GPT2: variants seen among roughly 807,000 people sequenced by gnomAD.
The protein encoded by GPT2 is glutamic--pyruvic transaminase 2, also known as alanine aminotransferase 2.
Under a neutral mutation model 56.9 loss-of-function variants are expected in GPT2, and 30 were observed. That is an observed-to-expected ratio of 0.53 (90% CI 0.39 to 0.72). The LOEUF (loss-of-function observed/expected upper bound fraction) is 0.72, where lower values mean the gene tolerates loss of function less well. Among genes scored for constraint, GPT2 ranks in the 30% least tolerant of loss-of-function variants. GPT2 has a pLI of 0.00. For synonymous variants in GPT2, 271 were observed against 283.1 expected (o/e 0.96, Z 0.43); for missense variants, 542 against 703.4 (o/e 0.77, Z 2.60).
intron 2 of GPT2, among the ~76,000 whole-genome samples, chr16:46,887,310 G>T (rs1358853110): frequency 6.6e-6 from 1 of 152,106 alleles, no homozygotes; most frequent in East Asian, 1.9e-4. Flanking sequence ...TCTACTAAAA[G>T]CACAAAAATT....
chr16:46,888,637 G>A (rs540448742), intron 2 of GPT2, among the ~76,000 whole-genome samples: 37 of 151,636 alleles, frequency 2.4e-4, no homozygotes, highest in African/African-American at 8.2e-4. Flanking sequence ...GTGAGCCACC[G>A]CACCCGGCCA....
intron 2 of GPT2, 136 bp from the exon 3 acceptor site, chr16:46,897,512 C>T: frequency 1.4e-6 from 1 of 716,634 alleles, no homozygotes; most frequent in South Asian, 1.8e-5. Flanking sequence ...ATGTCAAAGG[C>T]CTGGCACCAA....
rs1404700809 is a variant in GPT2 at position 46,884,828 on chromosome 16, G to T, written c.113G>T (p.Arg38Leu). The T allele has an allele frequency of 1.3e-5, 20 of 1,538,770 alleles. No homozygotes were observed. Among genetic ancestry groups the T allele is most frequent in the Non-Finnish European group, 1.8e-5 (20 of 1,142,768 alleles). The change falls in exon 2 of 12, where the codon CGG (arginine) becomes CTG (leucine). Residue 38 changes from arginine to leucine, a missense_variant. Arg to Leu is a moderately radical substitution (Grantham distance 102). Coordinates refer to ENST00000340124, the MANE Select transcript of GPT2 (RefSeq NM_133443.4). ...AAEASAVLKVRPERSRRERIL... is the reference protein window; with the variant it reads ...AAEASAVLKVLPERSRRERIL... Reference sequence around the variant, plus strand: ...GAGGCCTCGGCGGTGCTCAAGGTGCGGCCCGAGCGCAGCCGGCGCGAGCGC... The same window carrying T: ...GAGGCCTCGGCGGTGCTCAAGGTGCTGCCCGAGCGCAGCCGGCGCGAGCGC...
intron 9 of GPT2, among the ~76,000 whole-genome samples, chr16:46,923,415 G>A (rs971902046): frequency 6.6e-6 from 1 of 152,186 alleles, no homozygotes; most frequent in Admixed American, 6.5e-5. Context: ...CTGAGATTGC[G>A]CCATGGCACT....
intron 2 of GPT2, 121 bp downstream of exon 2, chr16:46,885,079 G>A (rs1451894249): frequency 6.7e-6 from 9 of 1,350,930 alleles, no homozygotes; most frequent in African/African-American, 1.5e-5. Flanking sequence ...AGTCAGCCAA[G>A]CCTGGCTAAA....
At chr16:46,900,561 G>T (rs1347220101) in intron 3 of GPT2, 121 bp from the exon 4 acceptor site, 3 of 710,096 alleles carry the variant, frequency 4.2e-6, no homozygotes, top group Non-Finnish European at 7.3e-6. Flanking sequence ...CTGAGTCCTC[G>T]CAGAGAGGCT....
intron 8 of GPT2, among the ~76,000 whole-genome samples, chr16:46,920,585 C>T (rs770441114): frequency 1.6e-4 from 25 of 152,274 alleles, no homozygotes; most frequent in Non-Finnish European, 2.8e-4. Flanking sequence ...TGCCAGGTGT[C>T]GGCATGGGGA....
chr16:46,922,510 G>T, intron 9 of GPT2, 94 bp downstream of exon 9: 1 of 1,232,144 alleles, frequency 8.1e-7, no homozygotes, highest in Non-Finnish European at 1.1e-6. Flanking sequence ...TGGCCAGACA[G>T]CAGCCTCCTG....
Position 46,914,611 on chromosome 16 carries a change from T to A in GPT2, c.821-2017T>A, listed in dbSNP as rs539570697. ...GTTGAGTCCTGCAGCGTGCTCATCT[T>A]TAGTGATGCATGGTAGCAGCTGACA... On this transcript the variant is annotated intron_variant, in intron 6 of 11. Transcript: ENST00000340124. Among the ~76,000 whole-genome samples the A allele has an allele frequency of 2.4e-4, 37 of 152,318 alleles. 1 individual carries two copies. In the South Asian group the frequency reaches 5.8e-3, roughly 24 times the overall value.
chr16:46,918,857 A>T, intron 8 of GPT2, 100 bp downstream of exon 8: 1 of 1,416,728 alleles, frequency 7.1e-7, no homozygotes, highest in Non-Finnish European at 9.7e-7. Context: ...TTGGATGGAG[A>T]GAAGGCTGCC....
Position 46,930,126 on chromosome 16 carries a change from A to C in GPT2, c.*1129A>C, listed in dbSNP as rs545989612. On this transcript the variant is annotated 3_prime_UTR_variant, in exon 12 of 12. Transcript: ENST00000340124. Reference sequence around the variant, plus strand: ...CTTTCATGCAGAGTGTTTTGCCTTCATGTTAGCTTCCGGCTCCCCTCCCAG... The same window carrying C: ...CTTTCATGCAGAGTGTTTTGCCTTCCTGTTAGCTTCCGGCTCCCCTCCCAG... 15 of 153,118 alleles carry C rather than the reference A, an allele frequency of 9.8e-5. No individual in the cohort carries two copies. Among genetic ancestry groups the C allele is most frequent in the African/African-American group, 3.4e-4 (14 of 41,560 alleles). 9.5% of individuals were successfully genotyped at this position (153,118 alleles called of 1,614,324 possible).
intron 2 of GPT2, among the ~76,000 whole-genome samples, chr16:46,894,108 A>G (rs560833865): frequency 2.6e-5 from 4 of 152,182 alleles, no homozygotes; most frequent in Admixed American, 6.5e-5. Flanking sequence ...CTCATCCATC[A>G]TAGCAAAGTG....
chr16:46,887,931 C>T (rs1960516673), intron 2 of GPT2, among the ~76,000 whole-genome samples: 1 of 152,210 alleles, frequency 6.6e-6, no homozygotes, highest in Non-Finnish European at 1.5e-5. Flanking sequence ...CTTGCTTCTC[C>T]CTGACAGCAG....
chr16:46,900,549 G>T, intron 3 of GPT2, 133 bp from the exon 4 acceptor site: 1 of 652,302 alleles, frequency 1.5e-6, no homozygotes, highest in Non-Finnish European at 2.7e-6. Context: ...AGCTCCCACA[G>T]GCTGAGTCCT....
intron 9 of GPT2, 44 bp from the exon 10 acceptor site, chr16:46,924,345 T>C: frequency 1.2e-6 from 2 of 1,607,618 alleles, no homozygotes; most frequent in Non-Finnish European, 1.7e-6. Flanking sequence ...AGTGAATCTT[T>C]ATCCAGAGAT....
At chr16:46,885,471 T>G in intron 2 of GPT2, 4 of 985,476 alleles carry the variant, frequency 4.1e-6, no homozygotes, top group Non-Finnish European at 4.8e-6. Flanking sequence ...CTTTAGGGTC[T>G]TTGCCAATCC....
chr16:46,927,774 C>G (rs1433302222), intron 11 of GPT2, among the ~76,000 whole-genome samples: 1 of 152,104 alleles, frequency 6.6e-6, no homozygotes, highest in Non-Finnish European at 1.5e-5. Context: ...CACCCCTGGT[C>G]AGGCTCATCT....
intron 2 of GPT2, among the ~76,000 whole-genome samples, chr16:46,897,215 A>G (rs1387770648): frequency 6.6e-6 from 1 of 152,164 alleles, no homozygotes; most frequent in African/African-American, 2.4e-5. Context: ...TCTCTACTAA[A>G]TACAAAAATT....
At chr16:46,907,351 C>G (rs991598451) in intron 5 of GPT2, among the ~76,000 whole-genome samples, 2 of 152,214 alleles carry the variant, frequency 1.3e-5, no homozygotes, top group African/African-American at 4.8e-5. Context: ...GCAGAGCAGA[C>G]CAGCTGATAT....
Sources: allele counts gnomAD v4.1 joint callset (sites outside exome capture counted in the v4.1 genomes callset), GRCh38; gene constraint gnomAD v4.1.1; transcripts MANE v1.5; gene names NCBI Gene and HGNC (gene_info 2026-07-23, HGNC 2026-07-21).